FHIT: variants seen among roughly 807,000 people sequenced by gnomAD.
The protein encoded by FHIT is fragile histidine triad diadenosine triphosphatase, also known as bis(5'-adenosyl)-triphosphatase.
In FHIT, 19 loss-of-function variants were observed where a neutral mutation model predicts 17.9. The ratio of observed to expected loss-of-function variants is 1.06; its 90% CI spans 0.74 to 1.56. The LOEUF is 1.56. Ranked by LOEUF, FHIT falls within the 40% of genes most tolerant of loss-of-function variation. FHIT has a pLI of 0.00. For missense variants in FHIT, 248 were observed against 189.2 expected (o/e 1.31, Z -1.82); for synonymous variants, 81 against 69.7 (o/e 1.16, Z -0.81).
intron 4 of FHIT, chr3:60,553,351 G>A (rs565355894): frequency 1.0e-6 from 1 of 963,682 alleles, no homozygotes; most frequent in African/African-American, 1.8e-5. Context: ...GTGAGGACTT[G>A]TGTTTTTACG....
At position 61,060,601 on chromosome 3, in the gene FHIT, C is replaced by G. The variant is rs141240345; in HGVS notation, c.-163-18502G>C. On this transcript the variant is annotated intron_variant, in intron 2 of 9. Transcript: ENST00000492590. Reference sequence around the variant, plus strand: ...CATTAAGTACCACATTATGGGCCATCATATCTTCTCCAGCTGCAAGTAAAG... The same window carrying G: ...CATTAAGTACCACATTATGGGCCATGATATCTTCTCCAGCTGCAAGTAAAG... Among the ~76,000 whole-genome samples the G allele has an allele frequency of 8.5e-3, 1,296 of 152,362 alleles. 18 individuals are homozygous for G. Among genetic ancestry groups the G allele is most frequent in the African/African-American group, 0.03 (1,228 of 41,594 alleles).
At chr3:60,949,519 A>G (rs557366470) in intron 3 of FHIT, among the ~76,000 whole-genome samples, 1 of 152,356 alleles carries the variant, frequency 6.6e-6, no homozygotes, top group Admixed American at 6.5e-5. Flanking sequence ...CCTGAAAAAG[A>G]CATTAATCTA....
intron 8 of FHIT, among the ~76,000 whole-genome samples, chr3:59,818,826 T>TC (rs1269582839): frequency 6.6e-6 from 1 of 152,114 alleles, no homozygotes; most frequent in Non-Finnish European, 1.5e-5. Context: ...AGACAGGTCT[T>TC]CCCCAAGGCA....
chr3:61,025,664 C>T (rs2032694293), intron 3 of FHIT, among the ~76,000 whole-genome samples: 2 of 152,200 alleles, frequency 1.3e-5, no homozygotes, highest in South Asian at 4.1e-4. Context: ...GACTCTCCTA[C>T]TTCCCATCTA....
In FHIT at chr3:61,238,901, G is replaced by T. The variant is rs552593884; in HGVS notation, c.-213+12400C>A. Among the ~76,000 whole-genome samples, 4 of 152,328 alleles carry T rather than the reference G, an allele frequency of 2.6e-5. No homozygotes were observed. The South Asian group carries it at 8.3e-4, about 32-fold the overall frequency. On this transcript the variant is annotated intron_variant, in intron 1 of 9. Transcript: ENST00000492590. ...AGAGAAGTCAAATCAGGAGGGATAT[G>T]GATGTGATACCGCATTAGGGGGCAG...
At chr3:59,978,383 C>T (rs1455774712) in intron 7 of FHIT, among the ~76,000 whole-genome samples, 1 of 151,928 alleles carries the variant, frequency 6.6e-6, no homozygotes, top group East Asian at 1.9e-4. Context: ...GGAAAATAAA[C>T]CATTAGATAT....
chr3:60,059,136 T>C (rs1413092971), intron 5 of FHIT, among the ~76,000 whole-genome samples: 1 of 152,172 alleles, frequency 6.6e-6, no homozygotes, highest in East Asian at 1.9e-4. Context: ...TAACTCTCTT[T>C]AAAATAATAA....
At chr3:61,060,995 T>C (rs1157073363) in intron 2 of FHIT, among the ~76,000 whole-genome samples, 2 of 152,240 alleles carry the variant, frequency 1.3e-5, no homozygotes, top group African/African-American at 2.4e-5. Context: ...TTTTGATGCA[T>C]TCATCCTTGA....
At chr3:59,756,873 T>A (rs1349070483) in intron 8 of FHIT, among the ~76,000 whole-genome samples, 1 of 152,212 alleles carries the variant, frequency 6.6e-6, no homozygotes, top group African/African-American at 2.4e-5. Context: ...TCACCAGTTC[T>A]AAGGTGCACA....
At chr3:59,977,779 T>TAA (rs1031685199) in intron 7 of FHIT, among the ~76,000 whole-genome samples, 1 of 152,138 alleles carries the variant, frequency 6.6e-6, no homozygotes, top group Non-Finnish European at 1.5e-5. Flanking sequence ...ACAAAAGACT[T>TAA]AAACACAAAA....
At chr3:60,498,215 CA>C (rs1198528506) in intron 5 of FHIT, among the ~76,000 whole-genome samples, 1 of 152,082 alleles carries the variant, frequency 6.6e-6, no homozygotes, top group African/African-American at 2.4e-5. Context: ...GCATTTCCTC[CA>C]ATCTTTGAAA....
chr3:60,728,041 C>T (rs536768488), intron 4 of FHIT, among the ~76,000 whole-genome samples: 1 of 152,234 alleles, frequency 6.6e-6, no homozygotes, highest in East Asian at 1.9e-4. Flanking sequence ...CATAGTATGT[C>T]CATAACCAAA....
chr3:60,076,221 C>A (rs1403414844), intron 5 of FHIT, among the ~76,000 whole-genome samples: 1 of 152,070 alleles, frequency 6.6e-6, no homozygotes, highest in Non-Finnish European at 1.5e-5. Context: ...CCCTTTTCCA[C>A]ATCCACTTTC....
intron 4 of FHIT, among the ~76,000 whole-genome samples, chr3:60,599,496 T>C (rs1209419252): frequency 1.3e-5 from 2 of 152,134 alleles, no homozygotes; most frequent in Non-Finnish European, 2.9e-5. Context: ...TTTTCTATAT[T>C]TCCTAAGGTG....
chr3:60,904,917 C>A (rs1000486254), intron 3 of FHIT, among the ~76,000 whole-genome samples: 8 of 134,362 alleles, frequency 6.0e-5, no homozygotes, highest in Non-Finnish European at 7.7e-5. Flanking sequence ...CCAGCCTGAG[C>A]AACAGAACGA....
intron 5 of FHIT, among the ~76,000 whole-genome samples, chr3:60,508,788 A>G (rs1424189933): frequency 6.6e-6 from 1 of 152,120 alleles, no homozygotes; most frequent in African/African-American, 2.4e-5. Flanking sequence ...GTGTTTCAAC[A>G]ATCTTTAGAG....
At chr3:60,838,327 C>T (rs1702604612) in intron 3 of FHIT, among the ~76,000 whole-genome samples, 1 of 152,078 alleles carries the variant, frequency 6.6e-6, no homozygotes, top group South Asian at 2.1e-4. Context: ...AAAAAATTAG[C>T]CGGGCGTGGT....
chr3:60,054,733 T>C (rs1272204410), intron 5 of FHIT, among the ~76,000 whole-genome samples: 1 of 152,130 alleles, frequency 6.6e-6, no homozygotes, highest in Non-Finnish European at 1.5e-5. Context: ...ATCAACAAAT[T>C]CTACATCATT....
At chr3:59,973,060 T>A (rs1002731400) in intron 7 of FHIT, among the ~76,000 whole-genome samples, 1 of 152,042 alleles carries the variant, frequency 6.6e-6, no homozygotes, top group Non-Finnish European at 1.5e-5. Context: ...CTCCTCTAAC[T>A]CTTAAAGTAC....
Sources: allele counts gnomAD v4.1 joint callset (sites outside exome capture counted in the v4.1 genomes callset), GRCh38; gene constraint gnomAD v4.1.1; transcripts MANE v1.5; gene names NCBI Gene and HGNC (gene_info 2026-07-23, HGNC 2026-07-21).